The following GPT2 variants were observed in gnomAD, a reference collection of about 807,000 sequenced individuals.
GPT2 encodes alanine aminotransferase 2.
In GPT2, 30 loss-of-function variants were observed where a neutral mutation model predicts 56.9. The ratio of observed to expected loss-of-function variants is 0.53; its 90% CI spans 0.39 to 0.72. The LOEUF is 0.72. Among genes scored for constraint, GPT2 ranks in the 30% least tolerant of loss-of-function variants. The pLI is 0.00. For synonymous variants in GPT2, 271 were observed against 283.1 expected (o/e 0.96, Z 0.43); for missense variants, 542 against 703.4 (o/e 0.77, Z 2.60).
chr16:46,900,607 C>A, intron 3 of GPT2, 75 bp from the exon 4 acceptor site: 1 of 1,134,004 alleles, frequency 8.8e-7, no homozygotes. Flanking sequence ...GTCATCCTCC[C>A]AGTGGCCTCT....
chr16:46,884,614 C>G, intron 1 of GPT2, 80 bp from the exon 2 acceptor site: 1 of 1,288,288 alleles, frequency 7.8e-7, no homozygotes. Context: ...TGAAAGAGCC[C>G]TTGGCTGGGC....
intron 11 of GPT2, among the ~76,000 whole-genome samples, chr16:46,927,585 T>G (rs966500843): frequency 3.9e-5 from 6 of 152,216 alleles, no homozygotes; most frequent in African/African-American, 1.4e-4. Context: ...GGTTTTCCAC[T>G]GAGGCCAGTT....
At chr16:46,910,469 C>A (rs956939560) in intron 6 of GPT2, among the ~76,000 whole-genome samples, 11 of 148,286 alleles carry the variant, frequency 7.4e-5, no homozygotes, top group Non-Finnish European at 1.3e-4. Context: ...GTGGAAGGAT[C>A]GCTTGAACCC....
chr16:46,916,585 C>G lies in GPT2; in HGVS notation c.821-43C>G, dbSNP rs769259797. On this transcript the variant is annotated intron_variant, in intron 6 of 11. Coordinates refer to ENST00000340124, the MANE Select transcript of GPT2 (RefSeq NM_133443.4). ...GCTTCTGACCTGGGGACAATTTAAA[C>G]AGCATTACAACCGACATTTTGGTTT... The G allele has an allele frequency of 1.3e-5, 19 of 1,450,276 alleles. No homozygotes were observed. The African/African-American group carries it at 2.2e-4, about 17-fold the overall frequency. The allele number at this position is 1,450,276 out of a possible 1,614,324, so 89.8% of individuals were successfully genotyped here.
intron 8 of GPT2, 73 bp downstream of exon 8, chr16:46,918,830 C>A: frequency 6.4e-7 from 1 of 1,562,934 alleles, no homozygotes; most frequent in Non-Finnish European, 8.7e-7. Flanking sequence ...CTCTGCCCTG[C>A]CCCGTGGTCC....
intron 2 of GPT2, among the ~76,000 whole-genome samples, chr16:46,896,737 G>T (rs1191069432): frequency 1.3e-5 from 2 of 152,190 alleles, no homozygotes; most frequent in Non-Finnish European, 2.9e-5. Context: ...TTCCCTGTGT[G>T]GTGGCAGTCA....
At chr16:46,898,959 T>G (rs1960750734) in intron 3 of GPT2, among the ~76,000 whole-genome samples, 1 of 42,766 alleles carries the variant, frequency 2.3e-5, no homozygotes, top group Non-Finnish European at 4.5e-5. Flanking sequence ...TATATGTGTA[T>G]ATATATACAC....
chr16:46,884,557 C>A, intron 1 of GPT2, 90 bp downstream of exon 1: 2 of 918,468 alleles, frequency 2.2e-6, no homozygotes, highest in South Asian at 5.1e-5. Flanking sequence ...GGGTCCGGGT[C>A]GCCGGGGGAT....
At chr16:46,926,130 CAAAA>C (rs57922941) in intron 10 of GPT2, among the ~76,000 whole-genome samples, 7 of 58,164 alleles carry the variant, frequency 1.2e-4, no homozygotes, top group African/African-American at 1.4e-4. Context: ...GACTCTGTCT[CAAAA>C]AAAAAAAAAA....
At chr16:46,885,705 C>T (rs1343244343) in intron 2 of GPT2, 3 of 204,870 alleles carry the variant, frequency 1.5e-5, no homozygotes, top group African/African-American at 2.4e-5. Context: ...GGTGAGCCCA[C>T]AGCCAGGAAG....
Position 46,897,638 on chromosome 16 carries a change from C to T in GPT2, c.244-10C>T, listed in dbSNP as rs1438316207. The T allele has an allele frequency of 2.5e-6, 4 of 1,613,478 alleles. No homozygotes were observed. Among genetic ancestry groups the T allele is most frequent in the Non-Finnish European group, 3.4e-6 (4 of 1,179,480 alleles). On this transcript the variant is annotated splice_polypyrimidine_tract_variant and intron_variant, in intron 2 of 11. Coordinates refer to ENST00000340124, the MANE Select transcript of GPT2 (RefSeq NM_133443.4). ...TCTAAGTAACCACCTGTTGCTTTCTCTCTGCCCAGGGTATCAAAAAGCCAT... is the reference window on the plus strand; with the variant it reads ...TCTAAGTAACCACCTGTTGCTTTCTTTCTGCCCAGGGTATCAAAAAGCCAT...
chr16:46,885,280 A>G, intron 2 of GPT2: 1 of 1,064,334 alleles, frequency 9.4e-7, no homozygotes. Context: ...GAGGAACATA[A>G]GCGAATGAAG....
intron 6 of GPT2, among the ~76,000 whole-genome samples, chr16:46,911,306 T>C (rs1596875212): frequency 6.6e-6 from 1 of 152,290 alleles, no homozygotes; most frequent in East Asian, 1.9e-4. Context: ...AGGGCTCCTC[T>C]CTCCTCCTTT....
At chr16:46,913,625 C>G (rs2143496189) in intron 6 of GPT2, among the ~76,000 whole-genome samples, 1 of 152,296 alleles carries the variant, frequency 6.6e-6, no homozygotes, top group Non-Finnish European at 1.5e-5. Context: ...GGAATCATGC[C>G]ACAGTCTTAC....
intron 9 of GPT2, 124 bp from the exon 10 acceptor site, chr16:46,924,265 T>G (rs557807584): frequency 1.1e-5 from 11 of 1,037,452 alleles, no homozygotes; most frequent in Admixed American, 1.9e-5. Flanking sequence ...AGAGGGGACA[T>G]GTGTTCAAAG....
intron 2 of GPT2, among the ~76,000 whole-genome samples, chr16:46,886,496 T>C (rs1960486894): frequency 6.6e-6 from 1 of 152,140 alleles, no homozygotes; most frequent in African/African-American, 2.4e-5. Context: ...TGAGCCTGAG[T>C]CCCCTTCCCC....
intron 2 of GPT2, among the ~76,000 whole-genome samples, chr16:46,894,767 G>A (rs1482367284): frequency 1.3e-5 from 2 of 152,048 alleles, no homozygotes; most frequent in Non-Finnish European, 2.9e-5. Context: ...CCAGCTTCAT[G>A]CCATTCTCCT....
intron 10 of GPT2, among the ~76,000 whole-genome samples, chr16:46,926,708 C>T (rs1392909953): frequency 1.3e-5 from 2 of 152,236 alleles, no homozygotes; most frequent in African/African-American, 4.8e-5. Flanking sequence ...AGGACCACTA[C>T]CTACACCTGG....
At position 46,884,749 on chromosome 16, in the gene GPT2, T is replaced by C; in HGVS notation, c.34T>C (p.Cys12Arg). ...GGCGGCGGCGCTGGTCCGGCGGGGCTGTGGTCCCCGGACCCCCAGCTCCTG... is the reference window on the plus strand; with the variant it reads ...GGCGGCGGCGCTGGTCCGGCGGGGCCGTGGTCCCCGGACCCCCAGCTCCTG... ...QRAAALVRRGCGPRTPSSWGR... is the reference protein window; with the variant it reads ...QRAAALVRRGRGPRTPSSWGR... The change falls in exon 2 of 12, where the codon TGT becomes CGT. Residue 12 changes from cysteine to arginine, a missense_variant. Physicochemically the swap from Cys to Arg is radical, Grantham distance 180. Coordinates refer to ENST00000340124, the MANE Select transcript of GPT2 (RefSeq NM_133443.4). 7.0e-7 allele frequency: 1 copy of C among 1,421,670 alleles called. No homozygotes were observed. Among genetic ancestry groups the C allele is most frequent in the Non-Finnish European group, 9.2e-7 (1 of 1,086,658 alleles). 88.1% of individuals were successfully genotyped at this position (1,421,670 alleles called of 1,614,324 possible).
Sources: allele counts gnomAD v4.1 joint callset (sites outside exome capture counted in the v4.1 genomes callset), GRCh38; gene constraint gnomAD v4.1.1; transcripts MANE v1.5; gene names NCBI Gene and HGNC (gene_info 2026-07-23, HGNC 2026-07-21).